The following SH3BGRL2 variants were observed in gnomAD, a reference collection of about 807,000 sequenced individuals.
SH3BGRL2 encodes SH3 domain binding glutamate rich protein like 2, also known as SH3 domain-binding glutamic acid-rich-like protein 2.
SH3BGRL2 carries 21 observed loss-of-function variants against 14.8 expected under a neutral mutation model. The ratio of observed to expected loss-of-function variants is 1.42; its 90% CI spans 1.01 to 2.05. The LOEUF (loss-of-function observed/expected upper bound fraction) is 2.05, where lower values mean the gene tolerates loss of function less well. Ranked by LOEUF, SH3BGRL2 falls within the 30% of genes most tolerant of loss-of-function variation. SH3BGRL2 has a pLI of 0.00. For missense variants in SH3BGRL2, 147 were observed against 130.8 expected (o/e 1.12, Z -0.61); for synonymous variants, 50 against 47.8 (o/e 1.05, Z -0.19).
chr6:79,646,521 G>T (rs796754197), intron 1 of SH3BGRL2, among the ~76,000 whole-genome samples: 41 of 152,286 alleles, frequency 2.7e-4, no homozygotes, highest in African/African-American at 9.1e-4. Context: ...GTTTTTTGTT[G>T]TGTTGTTGCT....
chr6:79,648,279 T>TATATATATATAA (rs752182712), intron 1 of SH3BGRL2, among the ~76,000 whole-genome samples: 8,603 of 116,928 alleles, frequency 0.074, 562 homozygotes, highest in South Asian at 0.11. Flanking sequence ...TATATATATA[T>TATATATATATAA]ATATTTGACA....
the SH3BGRL2 span, among the ~76,000 whole-genome samples, chr6:79,586,234 T>TG: frequency 4.9e-4 from 59 of 119,720 alleles, 1 homozygote; most frequent in Non-Finnish European, 8.1e-4. Flanking sequence ...TGTATGGACT[T>TG]CTTTTTTTTT....
the SH3BGRL2 span, among the ~76,000 whole-genome samples, chr6:79,543,885 C>T: frequency 1.3e-5 from 2 of 152,146 alleles, no homozygotes; most frequent in African/African-American, 4.8e-5. Flanking sequence ...CTAAGGCACT[C>T]TTCTTTTCTA....
chr6:79,694,042 A>T (rs1770282143), intron 2 of SH3BGRL2, among the ~76,000 whole-genome samples: 1 of 152,204 alleles, frequency 6.6e-6, no homozygotes, highest in Admixed American at 6.5e-5. Context: ...GTGGAAGATC[A>T]TGAATTGTCG....
At chr6:79,583,333 G>A in the SH3BGRL2 span, among the ~76,000 whole-genome samples, 5 of 152,162 alleles carry the variant, frequency 3.3e-5, no homozygotes, top group African/African-American at 4.8e-5. Flanking sequence ...ACATGCACAA[G>A]TATGTTTATT....
chr6:79,661,578 G>A (rs140725481), intron 1 of SH3BGRL2, among the ~76,000 whole-genome samples: 5,322 of 152,234 alleles, frequency 0.035, 315 homozygotes, highest in African/African-American at 0.12. Flanking sequence ...GAATAAGTGC[G>A]ATATGGTGCT....
chr6:79,640,471 C>T (rs1769008525), intron 1 of SH3BGRL2, among the ~76,000 whole-genome samples: 1 of 152,156 alleles, frequency 6.6e-6, no homozygotes, highest in African/African-American at 2.4e-5. Flanking sequence ...CAGATGGGGC[C>T]CCACCTCCCT....
intron 1 of SH3BGRL2, among the ~76,000 whole-genome samples, chr6:79,647,537 C>T (rs888890751): frequency 1.3e-5 from 2 of 152,006 alleles, no homozygotes; most frequent in Non-Finnish European, 2.9e-5. Flanking sequence ...ATGATCCTTC[C>T]CCCCAAACAA....
chr6:79,620,785 A>G, the SH3BGRL2 span, among the ~76,000 whole-genome samples: 2 of 152,184 alleles, frequency 1.3e-5, no homozygotes, highest in Non-Finnish European at 2.9e-5. Context: ...TATGTTAGAG[A>G]CACAAGTCTG....
chr6:79,629,969 C>T (rs566861154), upstream of SH3BGRL2, among the ~76,000 whole-genome samples: 20 of 152,252 alleles, frequency 1.3e-4, no homozygotes, highest in South Asian at 1.7e-3. Flanking sequence ...ATAGGAAATA[C>T]GGTATCTACT....
intron 2 of SH3BGRL2, among the ~76,000 whole-genome samples, chr6:79,686,640 G>A (rs1770103598): frequency 6.6e-6 from 1 of 152,100 alleles, no homozygotes; most frequent in Non-Finnish European, 1.5e-5. Context: ...CGTGGATGCA[G>A]CATTTTCTTT....
At chr6:79,678,325 T>A (rs1769925276) in intron 2 of SH3BGRL2, among the ~76,000 whole-genome samples, 1 of 152,176 alleles carries the variant, frequency 6.6e-6, no homozygotes, top group Non-Finnish European at 1.5e-5. Context: ...TGGTAACCAC[T>A]ATTCTACTTT....
the SH3BGRL2 span, among the ~76,000 whole-genome samples, chr6:79,608,507 C>T: frequency 6.6e-6 from 1 of 152,134 alleles, no homozygotes; most frequent in South Asian, 2.1e-4. Context: ...CTCACTGTGT[C>T]GTACAAAGGG....
chr6:79,555,694 G>T, the SH3BGRL2 span, among the ~76,000 whole-genome samples: 1 of 152,076 alleles, frequency 6.6e-6, no homozygotes, highest in Non-Finnish European at 1.5e-5. Flanking sequence ...ATTTTTAGTA[G>T]AGATGGGGTT....
At chr6:79,593,657 A>G in the SH3BGRL2 span, among the ~76,000 whole-genome samples, 5 of 152,186 alleles carry the variant, frequency 3.3e-5, no homozygotes, top group African/African-American at 1.2e-4. Context: ...AGAAAATACA[A>G]TTCAGTCTTC....
chr6:79,571,231 A>C, the SH3BGRL2 span, among the ~76,000 whole-genome samples: 1 of 152,208 alleles, frequency 6.6e-6, no homozygotes, highest in Non-Finnish European at 1.5e-5. Context: ...ACCTTAGCAC[A>C]TTCTCCTGAA....
intron 1 of SH3BGRL2, among the ~76,000 whole-genome samples, chr6:79,642,733 C>T (rs1490852945): frequency 2.0e-5 from 3 of 152,152 alleles, no homozygotes; most frequent in South Asian, 2.1e-4. Flanking sequence ...GAATATGAAA[C>T]ACCAAGTTGA....
At chr6:79,559,976 TAGG>T in the SH3BGRL2 span, among the ~76,000 whole-genome samples, 1 of 152,004 alleles carries the variant, frequency 6.6e-6, no homozygotes, top group East Asian at 1.9e-4. Flanking sequence ...AAGGTAAGAA[TAGG>T]AGACAGAATG....
intron 1 of SH3BGRL2, among the ~76,000 whole-genome samples, chr6:79,644,602 T>C (rs1405759736): frequency 1.3e-5 from 2 of 152,172 alleles, no homozygotes; most frequent in African/African-American, 4.8e-5. Flanking sequence ...GTAGAAAGAA[T>C]GTAGACTCCA....
Sources: allele counts gnomAD v4.1 joint callset (sites outside exome capture counted in the v4.1 genomes callset), GRCh38; gene constraint gnomAD v4.1.1; transcripts MANE v1.5; gene names NCBI Gene and HGNC (gene_info 2026-07-23, HGNC 2026-07-21).